The following GALNT13 variants were observed in gnomAD, a reference collection of about 807,000 sequenced individuals.
GALNT13 encodes the protein UDP-GalNAc:polypeptide N-acetylgalactosaminyltransferase 13.
Under a neutral mutation model 64.2 loss-of-function variants are expected in GALNT13, and 28 were observed. The ratio of observed to expected loss-of-function variants is 0.44; its 90% CI spans 0.32 to 0.60. GALNT13 has a LOEUF of 0.60. GALNT13 is among the 20% of genes least tolerant of loss of function. The pLI, the probability that GALNT13 is intolerant of heterozygous loss-of-function variation, is 0.05. For missense variants in GALNT13, 577 were observed against 669.8 expected (o/e 0.86, Z 1.53); for synonymous variants, 214 against 224.6 (o/e 0.95, Z 0.42).
intron 3 of GALNT13, among the ~76,000 whole-genome samples, chr2:153,991,030 T>C (rs374005342): frequency 1.3e-4 from 20 of 152,302 alleles, no homozygotes; most frequent in Admixed American, 3.3e-4. Context: ...TGGGGACATA[T>C]GTTCAACTGA....
intron 3 of GALNT13, among the ~76,000 whole-genome samples, chr2:153,947,857 A>C (rs1023282795): frequency 7.9e-5 from 12 of 151,924 alleles, no homozygotes; most frequent in African/African-American, 2.9e-4. Context: ...TTAATTTTCC[A>C]TATAGTATAA....
At chr2:153,258,393 ACAAAACAAAACCCAACTTTTCATT>A in the GALNT13 span, among the ~76,000 whole-genome samples, 1 of 151,964 alleles carries the variant, frequency 6.6e-6, no homozygotes, top group African/African-American at 2.4e-5. Context: ...ACAAAACAAA[ACAAAACAAAACCCAACTTTTCATT>A]TTGTTGATCT....
chr2:154,356,544 A>C (rs1696760434), intron 9 of GALNT13, among the ~76,000 whole-genome samples: 1 of 152,010 alleles, frequency 6.6e-6, no homozygotes, highest in Admixed American at 6.6e-5. Flanking sequence ...TGCATGAGGT[A>C]CTTTATCATT....
chr2:153,345,670 T>TCTTTCTTC, the GALNT13 span, among the ~76,000 whole-genome samples: 2 of 143,898 alleles, frequency 1.4e-5, no homozygotes, highest in African/African-American at 5.3e-5. Context: ...TTTCTTTCTT[T>TCTTTCTTC]CTTTCTTTCT....
chr2:153,592,665 T>C, the GALNT13 span, among the ~76,000 whole-genome samples: 1 of 151,150 alleles, frequency 6.6e-6, no homozygotes, highest in Non-Finnish European at 1.5e-5. Flanking sequence ...ATGTAAAGAG[T>C]GGAATTATAG....
chr2:153,856,248 T>TGCTA, the GALNT13 span, among the ~76,000 whole-genome samples: 2 of 152,092 alleles, frequency 1.3e-5, no homozygotes, highest in Non-Finnish European at 2.9e-5. Context: ...AATAAAGCTG[T>TGCTA]GATAGGTAGC....
At chr2:153,733,645 T>A in the GALNT13 span, among the ~76,000 whole-genome samples, 3 of 152,142 alleles carry the variant, frequency 2.0e-5, no homozygotes, top group African/African-American at 7.2e-5. Flanking sequence ...TGTTATTAGA[T>A]CTTAAAGTGG....
the GALNT13 span, among the ~76,000 whole-genome samples, chr2:153,578,193 G>T: frequency 6.6e-6 from 1 of 152,076 alleles, no homozygotes; most frequent in Non-Finnish European, 1.5e-5. Flanking sequence ...TAAACTTCAA[G>T]GTGAAGTCTC....
At chr2:153,561,641 C>CTGTGTGTGTGTGTGTGTGTGTGTG in the GALNT13 span, among the ~76,000 whole-genome samples, 9 of 146,472 alleles carry the variant, frequency 6.1e-5, no homozygotes, top group Admixed American at 2.1e-4. Context: ...GATGTTCAAC[C>CTGTGTGTGTGTGTGTGTGTGTGTG]TGTGTGTGTG....
the GALNT13 span, among the ~76,000 whole-genome samples, chr2:153,754,046 C>A: frequency 1.3e-5 from 2 of 152,216 alleles, no homozygotes; most frequent in African/African-American, 4.8e-5. Context: ...GGGCCAAGGG[C>A]TCTTCAGTCA....
At chr2:153,512,215 G>A in the GALNT13 span, among the ~76,000 whole-genome samples, 2 of 152,294 alleles carry the variant, frequency 1.3e-5, no homozygotes, top group African/African-American at 4.8e-5. Context: ...ATGAAAGGGA[G>A]GATGACCCTA....
At chr2:153,176,506 C>A in the GALNT13 span, among the ~76,000 whole-genome samples, 1 of 151,138 alleles carries the variant, frequency 6.6e-6, no homozygotes. Context: ...AATAGAAAAT[C>A]CGAAATTAAG....
chr2:154,422,022 A>C (rs1321729845), intron 11 of GALNT13, among the ~76,000 whole-genome samples: 1 of 152,160 alleles, frequency 6.6e-6, no homozygotes, highest in Admixed American at 6.6e-5. Context: ...CACAGAGAGC[A>C]GAGGGTGAGT....
At chr2:154,054,467 A>G (rs7575442) in intron 3 of GALNT13, among the ~76,000 whole-genome samples, 114,746 of 151,876 alleles carry the variant, frequency 0.76, 43,727 homozygotes, top group East Asian at 0.96. Flanking sequence ...AAGTGAATAC[A>G]TATTCTAGTA....
At chr2:153,630,801 A>ATTTATTTATT in the GALNT13 span, among the ~76,000 whole-genome samples, 1 of 17,250 alleles carries the variant, frequency 5.8e-5, no homozygotes, top group African/African-American at 2.0e-4. Flanking sequence ...ATATATATAT[A>ATTTATTTATT]TATATATTTT....
chr2:154,433,828 T>C (rs1481803279), intron 11 of GALNT13, among the ~76,000 whole-genome samples: 1 of 152,098 alleles, frequency 6.6e-6, no homozygotes, highest in East Asian at 1.9e-4. Flanking sequence ...TCCAATACAT[T>C]GTAAAGGGTT....
At chr2:153,972,823 G>C (rs535405899) in intron 3 of GALNT13, among the ~76,000 whole-genome samples, 1 of 151,976 alleles carries the variant, frequency 6.6e-6, no homozygotes, top group East Asian at 1.9e-4. Flanking sequence ...ACTAATTTAG[G>C]TAATTCAGGA....
At chr2:153,680,634 G>T in the GALNT13 span, among the ~76,000 whole-genome samples, 1 of 151,780 alleles carries the variant, frequency 6.6e-6, no homozygotes, top group African/African-American at 2.4e-5. Context: ...ATGAATAAAT[G>T]CATTTCCTAA....
the GALNT13 span, among the ~76,000 whole-genome samples, chr2:153,340,762 T>A: frequency 4.0e-5 from 6 of 151,782 alleles, no homozygotes; most frequent in Non-Finnish European, 7.4e-5. Context: ...TCTAGTTTGT[T>A]GAGAGTTTTT....
Sources: allele counts gnomAD v4.1 joint callset (sites outside exome capture counted in the v4.1 genomes callset), GRCh38; gene constraint gnomAD v4.1.1; transcripts MANE v1.5; gene names NCBI Gene and HGNC (gene_info 2026-07-23, HGNC 2026-07-21).